The following ARID1B variants were observed in gnomAD, a reference collection of about 807,000 sequenced individuals.
ARID1B encodes the protein AT-rich interaction domain 1B.
ARID1B carries 30 observed loss-of-function variants against 212.3 expected under a neutral mutation model. That is an observed-to-expected ratio of 0.14 (90% CI 0.11 to 0.19). The LOEUF is 0.19. ARID1B is among the 10% of genes least tolerant of loss of function. The pLI is 1.00. For missense variants in ARID1B, 2,891 were observed against 3,204.0 expected (o/e 0.90, Z 2.36); for synonymous variants, 1,402 against 1,301.7 (o/e 1.08, Z -1.66).
At chr6:157,136,476 T>G (rs930647845) in intron 7 of ARID1B, among the ~76,000 whole-genome samples, 3 of 152,158 alleles carry the variant, frequency 2.0e-5, no homozygotes, top group Admixed American at 6.5e-5. Context: ...TTCTCACCGG[T>G]TCATTCATTC....
intron 2 of ARID1B, among the ~76,000 whole-genome samples, chr6:156,857,409 G>C (rs1048515303): frequency 2.0e-5 from 3 of 152,210 alleles, no homozygotes; most frequent in Non-Finnish European, 4.4e-5. Flanking sequence ...ACAGGTGGCT[G>C]TTAGAAGCAG....
intron 1 of ARID1B, among the ~76,000 whole-genome samples, chr6:156,790,677 T>C (rs770429624): frequency 3.9e-5 from 6 of 152,236 alleles, no homozygotes; most frequent in Non-Finnish European, 8.8e-5. Flanking sequence ...CCCATCTTAG[T>C]GCCAACTGCC....
At chr6:156,936,341 T>TAAAAAAAA (rs1792213408) in intron 4 of ARID1B, 1 of 74,294 alleles carries the variant, frequency 1.3e-5, no homozygotes, top group African/African-American at 1.3e-4. Flanking sequence ...AAACTTCATC[T>TAAAAAAAA]CAAAAAAAAA....
intron 12 of ARID1B, among the ~76,000 whole-genome samples, chr6:157,183,348 G>A (rs1334840038): frequency 1.3e-5 from 2 of 152,068 alleles, no homozygotes; most frequent in Non-Finnish European, 2.9e-5. Flanking sequence ...CAGAAGAGCC[G>A]TGTGAGAAAG....
intron 1 of ARID1B, among the ~76,000 whole-genome samples, chr6:156,795,281 C>T (rs533129643): frequency 6.6e-5 from 10 of 152,136 alleles, no homozygotes; most frequent in African/African-American, 2.2e-4. Flanking sequence ...CTCAGATTCG[C>T]TGGGGTTTAC....
intron 4 of ARID1B, among the ~76,000 whole-genome samples, chr6:157,066,948 A>G (rs976804426): frequency 6.6e-6 from 1 of 152,104 alleles, no homozygotes; most frequent in Non-Finnish European, 1.5e-5. Flanking sequence ...GAACACTGAA[A>G]ATGGGCTTTG....
intron 2 of ARID1B, among the ~76,000 whole-genome samples, chr6:156,857,785 T>A (rs1043733772): frequency 1.3e-5 from 2 of 151,962 alleles, no homozygotes; most frequent in Non-Finnish European, 2.9e-5. Flanking sequence ...CACCATAGAG[T>A]GTACTCACAC....
At chr6:157,153,932 TC>T (rs1301586729) in intron 8 of ARID1B, among the ~76,000 whole-genome samples, 1 of 152,090 alleles carries the variant, frequency 6.6e-6, no homozygotes, top group Non-Finnish European at 1.5e-5. Flanking sequence ...GAGCCACCAC[TC>T]CTGACCTTGT....
At chr6:156,966,403 T>C (rs1419201738) in intron 4 of ARID1B, among the ~76,000 whole-genome samples, 4 of 144,026 alleles carry the variant, frequency 2.8e-5, no homozygotes, top group African/African-American at 1.1e-4. Context: ...TTTTTTTTTT[T>C]TTTTTTTGAG....
chr6:157,115,275 A>G (rs1302828470), intron 6 of ARID1B, among the ~76,000 whole-genome samples: 3 of 152,236 alleles, frequency 2.0e-5, no homozygotes, highest in African/African-American at 4.8e-5. Flanking sequence ...GCAAGTAAAT[A>G]TGGATATGGC....
At chr6:157,128,046 C>T (rs540649398) in intron 6 of ARID1B, among the ~76,000 whole-genome samples, 3 of 151,912 alleles carry the variant, frequency 2.0e-5, no homozygotes, top group African/African-American at 4.8e-5. Flanking sequence ...TTAATCCTCA[C>T]TACAACCCTA....
chr6:157,173,975 T>G, intron 9 of ARID1B, 33 bp from the exon 10 acceptor site: 1 of 1,580,254 alleles, frequency 6.3e-7, no homozygotes, highest in Non-Finnish European at 8.7e-7. Context: ...ATCACACATA[T>G]AATCCTAAAC....
chr6:157,089,436 G>A (rs182980938), intron 5 of ARID1B, among the ~76,000 whole-genome samples: 3 of 152,218 alleles, frequency 2.0e-5, no homozygotes, highest in East Asian at 1.9e-4. Context: ...ACACTGCCCC[G>A]CCACATCCCT....
chr6:156,799,999 C>T (rs1296166043), intron 1 of ARID1B, among the ~76,000 whole-genome samples: 1 of 152,178 alleles, frequency 6.6e-6, no homozygotes, highest in East Asian at 1.9e-4. Flanking sequence ...TCACCCCCAC[C>T]CCTGCCATGG....
At chr6:156,860,976 G>A (rs775082469) in intron 2 of ARID1B, among the ~76,000 whole-genome samples, 21 of 152,160 alleles carry the variant, frequency 1.4e-4, no homozygotes, top group Non-Finnish European at 2.4e-4. Context: ...ACTTGGTTTG[G>A]AAAAAGATAC....
chr6:157,196,253 A>G lies in ARID1B; in HGVS notation c.4320A>G (p.Ala1440=), dbSNP rs766772916. ...TGTACAACCAAAGTCCCTCCGGAGCAATGTCTAACCTGGGCATGGGGCAGC... is the reference window on the plus strand; with the variant it reads ...TGTACAACCAAAGTCCCTCCGGAGCGATGTCTAACCTGGGCATGGGGCAGC... ...QDMYNQSPSG[A]MSNLGMGQRQ... Residue 1440 remains alanine (A), a synonymous_variant, in exon 16 of 20, where the codon GCA becomes GCG. Coordinates refer to ENST00000636930, the MANE Select transcript of ARID1B (RefSeq NM_001374828.1). 1 of 1,613,242 alleles carries G rather than the reference A, an allele frequency of 6.2e-7. No individual in the cohort carries two copies. Among genetic ancestry groups the G allele is most frequent in the Non-Finnish European group, 8.5e-7 (1 of 1,179,768 alleles).
At chr6:156,807,990 G>A (rs985385448) in intron 1 of ARID1B, among the ~76,000 whole-genome samples, 6 of 152,160 alleles carry the variant, frequency 3.9e-5, no homozygotes, top group African/African-American at 9.7e-5. Context: ...CTAGACTCCC[G>A]TGTCATTGAG....
chr6:156,819,975 G>A (rs6930398), intron 1 of ARID1B, among the ~76,000 whole-genome samples: 38,895 of 152,064 alleles, frequency 0.26, 5,123 homozygotes, highest in Non-Finnish European at 0.29. Context: ...GACTTGGTAA[G>A]GAGCTGGCTG....
intron 4 of ARID1B, among the ~76,000 whole-genome samples, chr6:157,012,909 C>T (rs950095494): frequency 2.0e-5 from 3 of 151,290 alleles, no homozygotes; most frequent in African/African-American, 7.3e-5. Context: ...AATGAAGTTT[C>T]GCTCTTGTTG....
Sources: allele counts gnomAD v4.1 joint callset (sites outside exome capture counted in the v4.1 genomes callset), GRCh38; gene constraint gnomAD v4.1.1; transcripts MANE v1.5; gene names NCBI Gene and HGNC (gene_info 2026-07-23, HGNC 2026-07-21).